The following STPG2 variants were observed in gnomAD, a reference collection of about 807,000 sequenced individuals.
The protein encoded by STPG2 is sperm tail PG-rich repeat containing 2, also known as sperm-tail PG-rich repeat-containing protein 2.
STPG2 carries 56 observed loss-of-function variants against 54.2 expected under a neutral mutation model. The ratio of observed to expected loss-of-function variants is 1.03; its 90% CI spans 0.83 to 1.29. The LOEUF (loss-of-function observed/expected upper bound fraction) is 1.29, where lower values mean the gene tolerates loss of function less well. Among genes scored for constraint, STPG2 ranks in the 50% most tolerant of loss-of-function variants. The pLI is 0.00. For synonymous variants in STPG2, 200 were observed against 181.8 expected, an observed-to-expected ratio of 1.10 and a Z score of -0.81; for missense variants, 596 against 544.9, an observed-to-expected ratio of 1.09 and a Z score of -0.93.
Position 97,768,954 on chromosome 4 carries a change from G to C in STPG2, c.1205-56140C>G, listed in dbSNP as rs535292591. On this transcript the variant is annotated intron_variant, in intron 9 of 10. Coordinates refer to ENST00000295268, the MANE Select transcript of STPG2 (RefSeq NM_174952.3). ...GTCTCTTACCAGGCAAAAAAGGAGG[G>C]GCAGTGTCAGGCAGTTGGTTGATAA... Among the ~76,000 whole-genome samples the C allele has an allele frequency of 1.4e-4, 21 of 152,188 alleles. No individual in the cohort carries two copies. The South Asian group carries it at 3.5e-3, about 26-fold the overall frequency.
At chr4:97,768,904 G>A (rs987822322) in intron 9 of STPG2, among the ~76,000 whole-genome samples, 6 of 152,148 alleles carry the variant, frequency 3.9e-5, no homozygotes, top group Admixed American at 6.5e-5. Flanking sequence ...GTTTCACCAC[G>A]TTAGCCAGGC....
intron 5 of STPG2, among the ~76,000 whole-genome samples, chr4:98,047,514 T>A (rs1464394371): frequency 6.6e-6 from 1 of 152,136 alleles, no homozygotes; most frequent in Non-Finnish European, 1.5e-5. Flanking sequence ...ATTCATGGGA[T>A]AGCTGCTGGA....
chr4:97,907,679 A>T (rs1731495797), intron 8 of STPG2, among the ~76,000 whole-genome samples: 1 of 152,208 alleles, frequency 6.6e-6, no homozygotes, highest in Admixed American at 6.5e-5. Flanking sequence ...GATATAGACC[A>T]ATGGAACAGA....
At chr4:97,778,390 G>GGT (rs1726457008) in intron 9 of STPG2, among the ~76,000 whole-genome samples, 1 of 152,156 alleles carries the variant, frequency 6.6e-6, no homozygotes, top group Non-Finnish European at 1.5e-5. Context: ...CTGGGGGAGG[G>GGT]GCGTCCAACA....
chr4:97,553,759 A>C (rs2148869209), intron 4 of STPG2, among the ~76,000 whole-genome samples: 1 of 152,304 alleles, frequency 6.6e-6, no homozygotes, highest in African/African-American at 2.4e-5. Flanking sequence ...AACAGCAGGC[A>C]GCTCTGATTA....
At chr4:97,957,381 G>GA (rs996372973) in intron 7 of STPG2, among the ~76,000 whole-genome samples, 3 of 150,486 alleles carry the variant, frequency 2.0e-5, no homozygotes, top group African/African-American at 4.9e-5. Context: ...CAAAGACAAA[G>GA]AAAAAAAATA....
intron 10 of STPG2, among the ~76,000 whole-genome samples, chr4:97,687,273 A>G (rs1723226508): frequency 2.0e-5 from 3 of 149,098 alleles, no homozygotes; most frequent in African/African-American, 7.4e-5. Flanking sequence ...AAGCTCTCTG[A>G]TTTAAGTTCA....
intron 4 of STPG2, among the ~76,000 whole-genome samples, chr4:97,547,213 T>C (rs1285959410): frequency 1.4e-5 from 2 of 139,610 alleles, no homozygotes; most frequent in Non-Finnish European, 3.2e-5. Context: ...GACGAGAAAC[T>C]TTTTTTTTTT....
intron 4 of STPG2, among the ~76,000 whole-genome samples, chr4:97,466,430 G>C (rs1373207197): frequency 6.6e-6 from 1 of 152,058 alleles, no homozygotes; most frequent in Non-Finnish European, 1.5e-5. Flanking sequence ...CCTCTTAATA[G>C]TTTTGTGAAT....
chr4:97,646,118 T>A (rs1721905083), intron 10 of STPG2, among the ~76,000 whole-genome samples: 2 of 152,168 alleles, frequency 1.3e-5, no homozygotes, highest in Admixed American at 1.3e-4. Context: ...CTGGTTTAAG[T>A]AGACCCTAAC....
At chr4:97,734,968 G>A (rs1483998175) in intron 9 of STPG2, among the ~76,000 whole-genome samples, 1 of 151,868 alleles carries the variant, frequency 6.6e-6, no homozygotes, top group Non-Finnish European at 1.5e-5. Flanking sequence ...AGTTACTCAG[G>A]AGGCTGAGGC....
At chr4:98,108,306 A>G (rs12499962) in intron 4 of STPG2, among the ~76,000 whole-genome samples, 3,115 of 152,226 alleles carry the variant, frequency 0.02, 120 homozygotes, top group Admixed American at 0.1. Flanking sequence ...TATGAAAGAA[A>G]AAGAATCAGG....
chr4:97,957,344 C>G (rs562637782), intron 7 of STPG2, among the ~76,000 whole-genome samples: 2 of 151,178 alleles, frequency 1.3e-5, no homozygotes, highest in Non-Finnish European at 2.9e-5. Context: ...AGCTTGAAGA[C>G]AATGTTTTTT....
At chr4:98,102,685 A>T (rs922951356) in intron 5 of STPG2, among the ~76,000 whole-genome samples, 1 of 151,746 alleles carries the variant, frequency 6.6e-6, no homozygotes, top group Non-Finnish European at 1.5e-5. Flanking sequence ...GCTCCCCCCA[A>T]AATTAAAATG....
chr4:97,546,272 T>C (rs1731831345), intron 4 of STPG2, among the ~76,000 whole-genome samples: 1 of 151,962 alleles, frequency 6.6e-6, no homozygotes, highest in Non-Finnish European at 1.5e-5. Flanking sequence ...TTGAGCACTT[T>C]AATTTACCTA....
At chr4:97,789,360 C>G (rs1376897672) in intron 9 of STPG2, among the ~76,000 whole-genome samples, 6 of 151,940 alleles carry the variant, frequency 3.9e-5, no homozygotes, top group Non-Finnish European at 8.8e-5. Flanking sequence ...ACTAATATAG[C>G]ATTCGCAATA....
At chr4:97,966,262 CA>C (rs1303449427) in intron 7 of STPG2, among the ~76,000 whole-genome samples, 1 of 151,398 alleles carries the variant, frequency 6.6e-6, no homozygotes, top group Non-Finnish European at 1.5e-5. Flanking sequence ...CTGATTCAAT[CA>C]AAAGGGTATC....
intron 4 of STPG2, among the ~76,000 whole-genome samples, chr4:97,447,919 C>A (rs1222477732): frequency 6.6e-6 from 1 of 152,138 alleles, no homozygotes; most frequent in Non-Finnish European, 1.5e-5. Flanking sequence ...ACAGCTTGCA[C>A]CCTGCAGCTG....
chr4:97,954,669 A>G (rs1733599239), intron 7 of STPG2, among the ~76,000 whole-genome samples: 1 of 152,268 alleles, frequency 6.6e-6, no homozygotes, highest in Admixed American at 6.5e-5. Context: ...AAGTAATGGC[A>G]AAAATGTAAT....
Sources: gnomAD v4.1 joint callset for allele counts (sites outside exome capture counted in the v4.1 genomes callset) on GRCh38, gnomAD v4.1.1 for gene constraint, MANE v1.5 for transcripts, NCBI Gene and HGNC (gene_info 2026-07-23, HGNC 2026-07-21) for gene names.